Variants in RABGAP1L observed in about 807,000 individuals in gnomAD.
RABGAP1L encodes RAB GTPase activating protein 1 like.
Under a neutral mutation model 137.7 loss-of-function variants are expected in RABGAP1L, and 63 were observed. The ratio of observed to expected loss-of-function variants is 0.46; its 90% CI spans 0.37 to 0.56. RABGAP1L has a LOEUF of 0.56. Among genes scored for constraint, RABGAP1L ranks in the 20% least tolerant of loss-of-function variants. The probability of loss-of-function intolerance (pLI) is 0.00; values close to 1 mark genes in which losing one functional copy is unlikely to be tolerated. For synonymous variants in RABGAP1L, 431 were observed against 433.7 expected (o/e 0.99, Z 0.08); for missense variants, 1,095 against 1,244.0 (o/e 0.88, Z 1.80).
intron 24 of RABGAP1L, among the ~76,000 whole-genome samples, chr1:174,984,057 C>T (rs200186310): frequency 8.7e-6 from 1 of 115,070 alleles, no homozygotes; most frequent in African/African-American, 3.4e-5. Context: ...TTTCTTCTAA[C>T]AAAAAAAAAA....
intron 11 of RABGAP1L, among the ~76,000 whole-genome samples, chr1:174,309,746 T>C (rs565265977): frequency 6.6e-6 from 1 of 152,270 alleles, no homozygotes; most frequent in Admixed American, 6.5e-5. Flanking sequence ...GCTGTTGTGT[T>C]TGGTATTCTA....
intron 10 of RABGAP1L, among the ~76,000 whole-genome samples, chr1:174,302,418 CAA>C (rs1424708582): frequency 6.6e-6 from 1 of 152,032 alleles, no homozygotes; most frequent in African/African-American, 2.4e-5. Flanking sequence ...AGAGAGGTCT[CAA>C]GAAACAAGAG....
intron 19 of RABGAP1L, among the ~76,000 whole-genome samples, chr1:174,826,315 G>A (rs1364733996): frequency 6.6e-6 from 1 of 151,950 alleles, no homozygotes; most frequent in Non-Finnish European, 1.5e-5. Context: ...CACGCCTCTC[G>A]GGTTCAAGTG....
chr1:174,316,148 A>T (rs535669685), intron 11 of RABGAP1L, among the ~76,000 whole-genome samples: 1 of 152,160 alleles, frequency 6.6e-6, no homozygotes, highest in East Asian at 1.9e-4. Context: ...TCTTTGTGTT[A>T]TCTTGAATTT....
chr1:174,656,668 T>C (rs1675996523), intron 14 of RABGAP1L, among the ~76,000 whole-genome samples: 1 of 152,154 alleles, frequency 6.6e-6, no homozygotes, highest in Admixed American at 6.5e-5. Flanking sequence ...ATTTGTCTGG[T>C]GATATTATTG....
At chr1:174,703,663 A>G (rs1448616605) in intron 17 of RABGAP1L, among the ~76,000 whole-genome samples, 2 of 152,160 alleles carry the variant, frequency 1.3e-5, no homozygotes, top group African/African-American at 2.4e-5. Context: ...AGAAATTTCC[A>G]TACTGTTTTC....
chr1:174,749,333 T>C (rs570263761), intron 17 of RABGAP1L, among the ~76,000 whole-genome samples: 1 of 152,130 alleles, frequency 6.6e-6, no homozygotes, highest in East Asian at 1.9e-4. Context: ...TCTTTCTTTC[T>C]TTTTGTTTGT....
chr1:174,600,883 G>A (rs1013538449), intron 13 of RABGAP1L, among the ~76,000 whole-genome samples: 2 of 152,174 alleles, frequency 1.3e-5, no homozygotes, highest in Non-Finnish European at 2.9e-5. Context: ...TCCCCCTGTG[G>A]GCACTGCCTG....
intron 19 of RABGAP1L, among the ~76,000 whole-genome samples, chr1:174,925,622 T>C (rs75361574): frequency 1.2e-4 from 19 of 152,100 alleles, no homozygotes; most frequent in African/African-American, 4.6e-4. Flanking sequence ...TTCTTCCTTA[T>C]GAATCATAGA....
intron 18 of RABGAP1L, among the ~76,000 whole-genome samples, chr1:174,785,289 C>G (rs1216651666): frequency 1.3e-5 from 2 of 152,162 alleles, no homozygotes; most frequent in African/African-American, 4.8e-5. Flanking sequence ...GTCTCAAACT[C>G]CTGACCTCAG....
chr1:174,546,063 T>G lies in RABGAP1L; in HGVS notation c.1711-91312T>G, dbSNP rs184930817. On this transcript the variant is annotated intron_variant, in intron 13 of 25. Transcript: ENST00000681986. ...AATCTAAGTGGAAATTTAAAGAAAA[T>G]AAGGCTTTTTTAGATCTAGCCTGTA... Among the ~76,000 whole-genome samples, 4 of 152,216 alleles carry G rather than the reference T, an allele frequency of 2.6e-5. No homozygotes were observed. The East Asian group carries it at 7.7e-4, about 29-fold the overall frequency.
At chr1:174,717,031 T>G (rs1681076932) in intron 17 of RABGAP1L, among the ~76,000 whole-genome samples, 1 of 152,224 alleles carries the variant, frequency 6.6e-6, no homozygotes, top group South Asian at 2.1e-4. Flanking sequence ...GAATCCTTAA[T>G]ACAGAGAAGA....
intron 19 of RABGAP1L, among the ~76,000 whole-genome samples, chr1:174,822,415 A>C (rs1691126136): frequency 6.6e-6 from 1 of 152,186 alleles, no homozygotes; most frequent in African/African-American, 2.4e-5. Context: ...GAACATGTTA[A>C]TGTTGGACAT....
chr1:174,429,739 CAA>C (rs1384549297), intron 13 of RABGAP1L, among the ~76,000 whole-genome samples: 1 of 83,570 alleles, frequency 1.2e-5, no homozygotes. Context: ...GACTCCATCT[CAA>C]AAAAAAAAAA....
intron 24 of RABGAP1L, among the ~76,000 whole-genome samples, chr1:174,983,876 C>G (rs1671347950): frequency 6.6e-6 from 1 of 152,086 alleles, no homozygotes; most frequent in African/African-American, 2.4e-5. Context: ...TTCTCCCTCT[C>G]TGATGTGCTA....
chr1:174,220,479 C>T (rs987184603), intron 2 of RABGAP1L, among the ~76,000 whole-genome samples: 3 of 152,040 alleles, frequency 2.0e-5, no homozygotes, highest in African/African-American at 7.3e-5. Context: ...ACCAGCCTGG[C>T]CAATGTGGGG....
intron 13 of RABGAP1L, among the ~76,000 whole-genome samples, chr1:174,403,206 A>AGTGT (rs1467034176): frequency 2.2e-5 from 2 of 91,990 alleles, no homozygotes; most frequent in Non-Finnish European, 4.5e-5. Flanking sequence ...GTTATATATG[A>AGTGT]GAGTGTGTGT....
At chr1:174,662,513 G>T (rs1011395591) in intron 14 of RABGAP1L, among the ~76,000 whole-genome samples, 4 of 151,932 alleles carry the variant, frequency 2.6e-5, no homozygotes, top group African/African-American at 9.7e-5. Flanking sequence ...CACCTCCCAG[G>T]CTCAAGTGAT....
chr1:174,163,057 T>C (rs71643189), intron 1 of RABGAP1L, among the ~76,000 whole-genome samples: 1 of 151,968 alleles, frequency 6.6e-6, no homozygotes, highest in Non-Finnish European at 1.5e-5. Context: ...GGGTTTCTTG[T>C]GGAGATGATC....
Sources: gnomAD v4.1 joint callset for allele counts (sites outside exome capture counted in the v4.1 genomes callset) on GRCh38, gnomAD v4.1.1 for gene constraint, MANE v1.5 for transcripts, NCBI Gene and HGNC (gene_info 2026-07-23, HGNC 2026-07-21) for gene names.